WDPCP: variants seen among roughly 807,000 people sequenced by gnomAD.
WDPCP encodes WD repeat-containing and planar cell polarity effector protein fritz homolog.
Under a neutral mutation model 93.1 loss-of-function variants are expected in WDPCP, and 71 were observed. That is an observed-to-expected ratio of 0.76 (90% CI 0.63 to 0.93). The LOEUF is 0.93. Among genes scored for constraint, WDPCP ranks in the 40% least tolerant of loss-of-function variants. The probability of loss-of-function intolerance (pLI) is 0.00; values close to 1 mark genes in which losing one functional copy is unlikely to be tolerated. For synonymous variants in WDPCP, 315 were observed against 315.0 expected (o/e 1.00, Z 0.00); for missense variants, 844 against 887.4 (o/e 0.95, Z 0.62).
At chr2:63,743,307 A>G (rs934340199) in intron 2 of WDPCP, among the ~76,000 whole-genome samples, 4 of 152,112 alleles carry the variant, frequency 2.6e-5, no homozygotes, top group African/African-American at 9.7e-5. Flanking sequence ...CTATTTCAGT[A>G]AGGTCATCAA....
At chr2:63,741,313 T>A (rs1357504789) in intron 2 of WDPCP, among the ~76,000 whole-genome samples, 1 of 152,068 alleles carries the variant, frequency 6.6e-6, no homozygotes, top group Non-Finnish European at 1.5e-5. Flanking sequence ...TTCTTTGATT[T>A]ATTTTTTTTT....
chr2:63,313,225 A>AG, intron 13 of WDPCP, 23 bp downstream of exon 13: 1 of 1,611,652 alleles, frequency 6.2e-7, no homozygotes, highest in South Asian at 1.1e-5. Context: ...GAAGGCACAA[A>AG]ATCATCTCTG....
intron 2 of WDPCP, among the ~76,000 whole-genome samples, chr2:63,774,731 G>A (rs1274610108): frequency 6.6e-6 from 1 of 152,064 alleles, no homozygotes; most frequent in African/African-American, 2.4e-5. Flanking sequence ...TCATTTTCAA[G>A]TTCTTCTTCA....
intron 1 of WDPCP, among the ~76,000 whole-genome samples, chr2:63,553,429 G>T (rs1705831540): frequency 6.6e-6 from 1 of 152,080 alleles, no homozygotes; most frequent in African/African-American, 2.4e-5. Flanking sequence ...GAATGCCTGA[G>T]GTGTTTTGTC....
chr2:63,550,364 T>A (rs1705513755), intron 1 of WDPCP, among the ~76,000 whole-genome samples: 1 of 152,166 alleles, frequency 6.6e-6, no homozygotes, highest in Admixed American at 6.5e-5. Context: ...AGGAAACTGC[T>A]TTCGCTAAGA....
chr2:63,462,419 A>G (rs1029709054), intron 6 of WDPCP, among the ~76,000 whole-genome samples: 1 of 152,252 alleles, frequency 6.6e-6, no homozygotes. Flanking sequence ...TAATGGGCGC[A>G]GCACACCAAC....
chr2:63,569,362 T>C (rs1053303592), intron 1 of WDPCP, among the ~76,000 whole-genome samples: 6 of 152,228 alleles, frequency 3.9e-5, no homozygotes, highest in African/African-American at 1.4e-4. Flanking sequence ...AAAGCACTGT[T>C]AATGTTCTAT....
At chr2:63,268,884 A>C (rs2677437) in intron 13 of WDPCP, among the ~76,000 whole-genome samples, 123,487 of 152,128 alleles carry the variant, frequency 0.81, 50,881 homozygotes, top group East Asian at 0.96. Context: ...ATACATAGAT[A>C]AAAACATCAC....
intron 2 of WDPCP, among the ~76,000 whole-genome samples, chr2:63,714,314 C>T (rs866877612): frequency 2.6e-4 from 39 of 152,118 alleles, no homozygotes; most frequent in Non-Finnish European, 3.7e-4. Flanking sequence ...GTGATCCACC[C>T]GCCTTGTCCT....
intron 14 of WDPCP, among the ~76,000 whole-genome samples, chr2:63,256,431 A>G (rs1029821019): frequency 6.6e-6 from 1 of 152,188 alleles, no homozygotes; most frequent in Non-Finnish European, 1.5e-5. Context: ...TGGCTAAAAT[A>G]AAAAAGAGAG....
intron 1 of WDPCP, among the ~76,000 whole-genome samples, chr2:63,586,872 A>G (rs1334303773): frequency 6.6e-6 from 1 of 152,218 alleles, no homozygotes; most frequent in Non-Finnish European, 1.5e-5. Context: ...GAGGACAAAA[A>G]TCATGAGATT....
intron 3 of WDPCP, chr2:63,597,633 T>C (rs963143273): frequency 7.6e-7 from 1 of 1,322,852 alleles, no homozygotes; most frequent in African/African-American, 1.5e-5. Flanking sequence ...CTTATGCTTT[T>C]AGCATTTAAG....
chr2:63,733,488 C>T (rs1669593988), intron 2 of WDPCP, among the ~76,000 whole-genome samples: 1 of 147,074 alleles, frequency 6.8e-6, no homozygotes, highest in African/African-American at 2.5e-5. Flanking sequence ...AGGCGTGAGC[C>T]ACCGCGCCCG....
At chr2:63,640,849 T>C (rs1354903748) in intron 3 of WDPCP, among the ~76,000 whole-genome samples, 2 of 152,344 alleles carry the variant, frequency 1.3e-5, no homozygotes, top group South Asian at 2.1e-4. Context: ...TATTTTTAAA[T>C]GTACAATTAA....
At chr2:63,597,544 CT>C in intron 3 of WDPCP, 1 of 1,448,966 alleles carries the variant, frequency 6.9e-7, no homozygotes, top group Non-Finnish European at 9.2e-7. Flanking sequence ...AGGGTGCAGC[CT>C]TAGATAAATA....
At chr2:63,834,266 C>A in the WDPCP span, among the ~76,000 whole-genome samples, 5 of 152,140 alleles carry the variant, frequency 3.3e-5, no homozygotes, top group African/African-American at 1.2e-4. Context: ...TTTCTATTAC[C>A]CAAATAGTCT....
intron 9 of WDPCP, among the ~76,000 whole-genome samples, chr2:63,429,522 G>A (rs2105426523): frequency 6.6e-6 from 1 of 152,154 alleles, no homozygotes; most frequent in African/African-American, 2.4e-5. Flanking sequence ...TCTATAAAAA[G>A]CGGGCAAAGG....
intron 2 of WDPCP, among the ~76,000 whole-genome samples, chr2:63,743,431 A>G (rs1318614563): frequency 6.6e-6 from 1 of 152,114 alleles, no homozygotes; most frequent in East Asian, 1.9e-4. Context: ...ATTCCTTTGA[A>G]TAGCTTGTGA....
chr2:63,793,119 T>C (rs1385185440), intron 2 of WDPCP, among the ~76,000 whole-genome samples: 1 of 152,094 alleles, frequency 6.6e-6, no homozygotes, highest in East Asian at 1.9e-4. Context: ...CTTCTTGATT[T>C]TTTTTTTTAG....
Sources: gnomAD v4.1 joint callset for allele counts (sites outside exome capture counted in the v4.1 genomes callset) on GRCh38, gnomAD v4.1.1 for gene constraint, MANE v1.5 for transcripts, NCBI Gene and HGNC (gene_info 2026-07-23, HGNC 2026-07-21) for gene names.